The following CACTIN variants were observed in gnomAD, a reference collection of about 807,000 sequenced individuals.
CACTIN encodes the protein splicing factor Cactin.
A neutral mutation model predicts 84.9 loss-of-function variants in CACTIN; 20 were observed. The ratio of observed to expected loss-of-function variants is 0.24; its 90% CI spans 0.17 to 0.34. The LOEUF (loss-of-function observed/expected upper bound fraction) is 0.34, where lower values mean the gene tolerates loss of function less well. Among genes scored for constraint, CACTIN ranks in the 10% least tolerant of loss-of-function variants. CACTIN has a pLI of 1.00. For missense variants in CACTIN, 897 were observed against 1,117.2 expected (o/e 0.80, Z 2.81); for synonymous variants, 549 against 467.9 (o/e 1.17, Z -2.24).
rs757340858 is a variant in CACTIN, at chr19:3,612,109, C to T, written c.2091G>A (p.Glu697=). 7.4e-6 allele frequency: 12 copies of T among 1,613,808 alleles called. No individual in the cohort carries two copies. In the South Asian group the frequency reaches 1.2e-4, roughly 16 times the overall value. ...CGAAATCCTTGTTGTCGGCGCAGGC[C>T]TCCAGGAAGTACTCGGGCGTGGAGC... ...DKRSTPEYFL[E]ACADNKDFAI... Residue 697 remains glutamate, a synonymous_variant, in exon 10 of 10, where the codon GAG becomes GAA. Transcript: ENST00000429344.
intron 2 of CACTIN, among the ~76,000 whole-genome samples, chr19:3,621,963 C>T (rs535559463): frequency 2.0e-5 from 3 of 152,206 alleles, no homozygotes; most frequent in Admixed American, 6.5e-5. Context: ...CCAGCCCACA[C>T]GTTGCCTGCT....
Position 3,613,066 on chromosome 19 carries a change from T to C in CACTIN, c.1778A>G (p.Gln593Arg). ...QRLQLSRQQLQVTGDASESAE... is the reference protein window; with the variant it reads ...QRLQLSRQQLRVTGDASESAE... The stretch of plus-strand genomic sequence containing the variant: ...TCCAGCCCCGCCCTTACCCGTGACC[T>C]GGAGCTGCTGGCGCGAGAGCTGCAG... The change falls in exon 9 of 10, where the codon CAG becomes CGG. Residue 593 changes from glutamine (Q) to arginine (R), a missense_variant. By Grantham distance (43) the Gln-to-Arg change is conservative. Transcript: ENST00000429344. The C allele has an allele frequency of 1.5e-6, 2 of 1,337,746 alleles. No homozygotes were observed. Among genetic ancestry groups the C allele is most frequent in the Non-Finnish European group, 2.0e-6 (2 of 1,018,816 alleles). 82.9% of individuals were successfully genotyped at this position (1,337,746 alleles called of 1,614,324 possible).
chr19:3,611,349 C>CCG lies in CACTIN; in HGVS notation c.*572_*573dup. The CCG allele has an allele frequency of 2.2e-6, 1 of 453,254 alleles. No individual in the cohort carries two copies. The highest frequency in any genetic ancestry group is 4.4e-6 in the Non-Finnish European group (1 of 226,382). The allele number at this position is 453,254 out of a possible 1,614,324, so 28.1% of individuals were successfully genotyped here. A position where few individuals can be genotyped will look rare whatever the true frequency, so the allele number is the denominator to read the frequency against. ...TGGCGGATCGGGCGCCAGCAGGGTCCCGGCCTCAGTGCTGCCTGTGCGGGC... is the reference window on the plus strand; with the variant it reads ...TGGCGGATCGGGCGCCAGCAGGGTCCCGCGGCCTCAGTGCTGCCTGTGCGGGC... On this transcript the variant is annotated 3_prime_UTR_variant, in exon 10 of 10. Coordinates refer to ENST00000429344, the MANE Select transcript of CACTIN (RefSeq NM_001080543.2).
At position 3,623,709 on chromosome 19, in the gene CACTIN, C is replaced by T. The variant is rs760440624; in HGVS notation, c.621G>A (p.Leu207=). ...TDNPFGDNNL[L]GTFIWNKALE... ...CCACCTTATTCCAGATGAAGGTGCC[C>T]AGCAGGTTGTTGTCTCCGAAGGGGT... The change falls in exon 2 of 10, where the codon CTG becomes CTA. Residue 207 remains leucine (L), a synonymous_variant. Transcript: ENST00000429344. 1 of 1,610,786 alleles carries T rather than the reference C, an allele frequency of 6.2e-7. No individual in the cohort carries two copies. The highest frequency in any genetic ancestry group is 2.2e-5 in the East Asian group (1 of 44,768).
chr19:3,626,763 C>G lies in CACTIN; in HGVS notation c.-1G>C, dbSNP rs766284468. On this transcript the variant is annotated 5_prime_UTR_variant, in exon 1 of 10. Coordinates refer to ENST00000429344, the MANE Select transcript of CACTIN (RefSeq NM_001080543.2). ...AGCGCGAGCGTGTGTCCCGACCCATCGGCTGGGCCAGTGGCCGCGGCACCA... is the reference window on the plus strand; with the variant it reads ...AGCGCGAGCGTGTGTCCCGACCCATGGGCTGGGCCAGTGGCCGCGGCACCA... 2 of 1,401,174 alleles carry G rather than the reference C, an allele frequency of 1.4e-6. No homozygotes were observed. The highest frequency in any genetic ancestry group is 1.9e-6 in the Non-Finnish European group (2 of 1,076,780). 86.8% of individuals were successfully genotyped at this position (1,401,174 alleles called of 1,614,324 possible).
At chr19:3,624,192 G>C (rs2033288291) in intron 1 of CACTIN, 30 bp from the exon 2 acceptor site, 1 of 1,508,998 alleles carries the variant, frequency 6.6e-7, no homozygotes, top group Admixed American at 2.0e-5. Flanking sequence ...TGCCTGCTCA[G>C]TGCCTGCAGC....
intron 2 of CACTIN, among the ~76,000 whole-genome samples, chr19:3,622,166 G>A (rs1055508725): frequency 6.6e-6 from 1 of 152,022 alleles, no homozygotes; most frequent in Admixed American, 6.6e-5. Flanking sequence ...AGGAGTTCGA[G>A]ACCAGCCTGA....
rs1444396268 is a variant in CACTIN, at chr19:3,610,943, G to A, written c.*980C>T. The stretch of plus-strand genomic sequence containing the variant: ...CTGGGCCACTCCGACCTGGGCTGTG[G>A]CACCCGTGTGGCCCTCGGCCCTCCT... On this transcript the variant is annotated 3_prime_UTR_variant, in exon 10 of 10. Transcript: ENST00000429344. The A allele has an allele frequency of 4.4e-6, 2 of 456,762 alleles. No homozygotes were observed. Among genetic ancestry groups the A allele is most frequent in the South Asian group, 1.5e-5 (1 of 64,570 alleles). 28.3% of individuals were successfully genotyped at this position (456,762 alleles called of 1,614,324 possible).
At chr19:3,626,302 T>C (rs1471402170) in intron 1 of CACTIN, among the ~76,000 whole-genome samples, 1 of 152,248 alleles carries the variant, frequency 6.6e-6, no homozygotes, top group Non-Finnish European at 1.5e-5. Flanking sequence ...CAAGATCTAA[T>C]GTGCTGAGCA....
chr19:3,622,917 C>T (rs552945259), intron 2 of CACTIN, among the ~76,000 whole-genome samples: 5 of 152,242 alleles, frequency 3.3e-5, no homozygotes, highest in East Asian at 1.9e-4. Flanking sequence ...AAGCTTACAC[C>T]GCAAGAGACA....
rs771379395 is a variant in CACTIN at position 3,626,598 on chromosome 19, G to C, written c.165C>G (p.Arg55=). Reference sequence around the variant, plus strand: ...CGCTGCTCCCGCAGCGACCCCACCTGCGCTCCCGGCTCCGCCGCCTCCGTC... The same window carrying C: ...CGCTGCTCCCGCAGCGACCCCACCTCCGCTCCCGGCTCCGCCGCCTCCGTC... ...RRRRRRRSRE[R]RSDSEEERWQ... Residue 55 remains arginine, a splice_region_variant and synonymous_variant, in exon 1 of 10, where the codon CGC becomes CGG. Transcript: ENST00000429344. 1 of 1,465,606 alleles carries C rather than the reference G, an allele frequency of 6.8e-7. No individual in the cohort carries two copies. The highest frequency in any genetic ancestry group is 9.0e-7 in the Non-Finnish European group (1 of 1,112,276). 90.8% of individuals were successfully genotyped at this position (1,465,606 alleles called of 1,614,324 possible). A position where few individuals can be genotyped will look rare whatever the true frequency, so the allele number is the denominator to read the frequency against.
At chr19:3,613,680 C>T in intron 7 of CACTIN, 94 bp from the exon 8 acceptor site, 2 of 1,494,310 alleles carry the variant, frequency 1.3e-6, no homozygotes, top group Non-Finnish European at 1.8e-6. Context: ...GCTGCAAGGA[C>T]CCTGAGAAGG....
chr19:3,621,525 C>T (rs1023271044), intron 2 of CACTIN, among the ~76,000 whole-genome samples: 2 of 152,344 alleles, frequency 1.3e-5, no homozygotes, highest in African/African-American at 4.8e-5. Context: ...GGACCACCCC[C>T]AGACACCCGG....
chr19:3,623,282 C>A (rs1366002548), intron 2 of CACTIN, among the ~76,000 whole-genome samples: 2 of 150,486 alleles, frequency 1.3e-5, no homozygotes, highest in Admixed American at 6.6e-5. Context: ...GTAATCCCAG[C>A]ACTTTGGGAG....
rs558114212 is a variant in CACTIN, at chr19:3,612,108, C to T, written c.2092G>A (p.Ala698Thr). The T allele has an allele frequency of 4.3e-6, 7 of 1,613,790 alleles. No individual in the cohort carries two copies. The highest frequency in any genetic ancestry group is 5.9e-6 in the Non-Finnish European group (7 of 1,179,882). The change falls in exon 10 of 10, where the codon GCC becomes ACC. Residue 698 changes from alanine to threonine, a missense_variant. This residue lies in a region of CACTIN where 50 missense variants were observed against 51.6 expected (regional missense o/e 0.97). Coordinates refer to ENST00000429344, the MANE Select transcript of CACTIN (RefSeq NM_001080543.2). ...KRSTPEYFLEACADNKDFAIL... is the reference protein window; with the variant it reads ...KRSTPEYFLETCADNKDFAIL... The stretch of plus-strand genomic sequence containing the variant: ...GCGAAATCCTTGTTGTCGGCGCAGG[C>T]CTCCAGGAAGTACTCGGGCGTGGAG...
At chr19:3,618,262 T>C (rs1487579718) in intron 6 of CACTIN, among the ~76,000 whole-genome samples, 1 of 150,392 alleles carries the variant, frequency 6.6e-6, no homozygotes, top group Non-Finnish European at 1.5e-5. Context: ...TTGTCAGGAC[T>C]AGGGGTGCTC....
intron 1 of CACTIN, among the ~76,000 whole-genome samples, chr19:3,625,057 ACT>A (rs1214105651): frequency 6.6e-6 from 1 of 151,808 alleles, no homozygotes; most frequent in African/African-American, 2.4e-5. Context: ...CGCCCAGGTA[ACT>A]CTTTACATTT....
At position 3,618,946 on chromosome 19, in the gene CACTIN, C is replaced by G. The variant is rs201581975; in HGVS notation, c.1091G>C (p.Arg364Pro). Reference protein sequence around the residue: ...LEQGKNADFWRDMTTITEDEI... With the variant: ...LEQGKNADFWPDMTTITEDEI... Reference sequence around the variant, plus strand: ...GTCCTCGGTGATGGTGGTCATGTCCCGCCAGAAGTCGGCGTTCTTGCCCTG... The same window carrying G: ...GTCCTCGGTGATGGTGGTCATGTCCGGCCAGAAGTCGGCGTTCTTGCCCTG... Residue 364 changes from arginine (R) to proline (P), a missense_variant, in exon 6 of 10, where the codon CGG (arginine) becomes CCG (proline). This residue lies in a region of CACTIN where 304 missense variants were observed against 444.3 expected (regional missense o/e 0.68). Coordinates refer to ENST00000429344, the MANE Select transcript of CACTIN (RefSeq NM_001080543.2). The G allele has an allele frequency of 1.9e-6, 3 of 1,559,228 alleles. No individual in the cohort carries two copies.
intron 2 of CACTIN, 194 bp from the exon 3 acceptor site, chr19:3,620,996 C>G (rs1325671451): frequency 1.4e-6 from 1 of 692,528 alleles, no homozygotes; most frequent in East Asian, 2.7e-5. Flanking sequence ...CATGGAGCCC[C>G]CACTGGGAGT....
Sources: allele counts gnomAD v4.1 joint callset (sites outside exome capture counted in the v4.1 genomes callset), GRCh38; gene constraint gnomAD v4.1.1; regional missense constraint gnomAD v4.1.1; transcripts MANE v1.5; gene names NCBI Gene and HGNC (gene_info 2026-07-23, HGNC 2026-07-21).